The following RBMS3 variants were observed in gnomAD, a reference collection of about 807,000 sequenced individuals.
RBMS3 encodes the protein RNA binding motif single stranded interacting protein 3, also known as RNA-binding motif, single-stranded-interacting protein 3.
A neutral mutation model predicts 66.8 loss-of-function variants in RBMS3; 27 were observed. The observed-to-expected ratio is 0.40, with a 90% CI of 0.30 to 0.56. The LOEUF (loss-of-function observed/expected upper bound fraction) is 0.56. RBMS3 is among the 20% of genes least tolerant of loss of function. RBMS3 has a pLI of 0.40. For missense variants in RBMS3, 513 were observed against 549.5 expected (o/e 0.93, Z 0.66); for synonymous variants, 188 against 183.0 (o/e 1.03, Z -0.22).
At chr3:29,412,802 G>A (rs1279138350) in intron 1 of RBMS3, among the ~76,000 whole-genome samples, 1 of 152,202 alleles carries the variant, frequency 6.6e-6, no homozygotes, top group East Asian at 1.9e-4. Context: ...AGAACCTTAA[G>A]CAGGGAGGAG....
chr3:29,778,846 G>T (rs1467234451), intron 6 of RBMS3, among the ~76,000 whole-genome samples: 3 of 151,846 alleles, frequency 2.0e-5, no homozygotes, highest in Non-Finnish European at 4.4e-5. Flanking sequence ...TGTTACTTAG[G>T]TGTTAACATT....
At chr3:29,474,585 GT>G (rs902186936) in intron 2 of RBMS3, among the ~76,000 whole-genome samples, 1 of 152,164 alleles carries the variant, frequency 6.6e-6, no homozygotes, top group Non-Finnish European at 1.5e-5. Context: ...TTTGTGCTGT[GT>G]TTTGTGTGAT....
chr3:29,645,227 G>T (rs764062790), intron 4 of RBMS3, among the ~76,000 whole-genome samples: 2 of 152,184 alleles, frequency 1.3e-5, no homozygotes, highest in Non-Finnish European at 2.9e-5. Context: ...TACAAATGTG[G>T]CACTTTTCTC....
At chr3:29,397,837 C>G (rs926562294) in intron 1 of RBMS3, among the ~76,000 whole-genome samples, 1 of 152,168 alleles carries the variant, frequency 6.6e-6, no homozygotes, top group African/African-American at 2.4e-5. Flanking sequence ...ATGCATGTCA[C>G]TGTGCCTGGC....
intron 5 of RBMS3, among the ~76,000 whole-genome samples, chr3:29,762,116 T>C (rs1027494735): frequency 6.6e-6 from 1 of 152,172 alleles, no homozygotes; most frequent in African/African-American, 2.4e-5. Flanking sequence ...ATGCTTTAGG[T>C]TGTATGTGAG....
intron 3 of RBMS3, among the ~76,000 whole-genome samples, chr3:29,554,350 A>G (rs1039132491): frequency 2.2e-4 from 34 of 152,234 alleles, no homozygotes; most frequent in African/African-American, 7.0e-4. Flanking sequence ...AAATCATACT[A>G]TAAGTTATAC....
intron 10 of RBMS3, among the ~76,000 whole-genome samples, chr3:29,922,213 C>T (rs1232905312): frequency 6.6e-6 from 1 of 152,164 alleles, no homozygotes; most frequent in East Asian, 1.9e-4. Context: ...AGAGGCCGGG[C>T]ACGGTGGCTC....
intron 11 of RBMS3, among the ~76,000 whole-genome samples, chr3:29,939,659 C>G (rs556443710): frequency 4.7e-4 from 72 of 151,980 alleles, no homozygotes; most frequent in African/African-American, 1.7e-3. Context: ...CTCCTCAGAC[C>G]TCTCTGGCCA....
chr3:29,853,272 A>G (rs1214447064), intron 6 of RBMS3, among the ~76,000 whole-genome samples: 1 of 152,172 alleles, frequency 6.6e-6, no homozygotes, highest in Non-Finnish European at 1.5e-5. Flanking sequence ...AAGTTTACCT[A>G]TGTAACAAAG....
intron 4 of RBMS3, among the ~76,000 whole-genome samples, chr3:29,718,792 G>C (rs1364345035): frequency 1.3e-5 from 2 of 152,174 alleles, no homozygotes; most frequent in Non-Finnish European, 2.9e-5. Flanking sequence ...CGCATACCAG[G>C]AGCCTCTGCA....
intron 4 of RBMS3, among the ~76,000 whole-genome samples, chr3:29,675,888 C>G (rs907888362): frequency 6.6e-6 from 1 of 152,152 alleles, no homozygotes; most frequent in Non-Finnish European, 1.5e-5. Flanking sequence ...GGATCTAGAA[C>G]TAGAAATACC....
intron 3 of RBMS3, among the ~76,000 whole-genome samples, chr3:29,563,985 C>T (rs911826452): frequency 4.7e-5 from 6 of 128,928 alleles, no homozygotes; most frequent in Non-Finnish European, 9.4e-5. Context: ...CCACTGCTCT[C>T]AACAGTGTGA....
chr3:29,653,571 G>A (rs2050216138), intron 4 of RBMS3, among the ~76,000 whole-genome samples: 1 of 152,058 alleles, frequency 6.6e-6, no homozygotes, highest in Non-Finnish European at 1.5e-5. Context: ...GTGAGGATGT[G>A]TATTTATGGG....
chr3:29,722,695 A>T, intron 4 of RBMS3, among the ~76,000 whole-genome samples: 1 of 152,040 alleles, frequency 6.6e-6, no homozygotes, highest in East Asian at 1.9e-4. Context: ...GCCAATTATT[A>T]TGTAGAGCAT....
intron 6 of RBMS3, among the ~76,000 whole-genome samples, chr3:29,771,561 T>C (rs1213988248): frequency 6.6e-6 from 1 of 151,982 alleles, no homozygotes; most frequent in African/African-American, 2.4e-5. Context: ...ACAGCAAAAA[T>C]TAAGGTTGCA....
chr3:29,681,411 T>C (rs1490067059), intron 4 of RBMS3, among the ~76,000 whole-genome samples: 1 of 152,194 alleles, frequency 6.6e-6, no homozygotes, highest in Admixed American at 6.5e-5. Flanking sequence ...TAGGTAAATG[T>C]GTGCTCTGGT....
chr3:29,757,237 G>T (rs1201555269), intron 5 of RBMS3, among the ~76,000 whole-genome samples: 1 of 152,140 alleles, frequency 6.6e-6, no homozygotes. Context: ...AATTCCAAGG[G>T]TTTTAGAAGC....
intron 14 of RBMS3, among the ~76,000 whole-genome samples, chr3:29,994,359 A>G (rs1362562740): frequency 2.6e-5 from 4 of 152,060 alleles, no homozygotes; most frequent in Admixed American, 6.6e-5. Flanking sequence ...GGGGAGGGGC[A>G]CCCGCCATTG....
chr3:29,839,809 A>C (rs1211321965), intron 6 of RBMS3, among the ~76,000 whole-genome samples: 1 of 151,876 alleles, frequency 6.6e-6, no homozygotes, highest in East Asian at 1.9e-4. Flanking sequence ...AATAGTTATT[A>C]CTTAGAAAAA....
Sources: gnomAD v4.1 joint callset for allele counts (sites outside exome capture counted in the v4.1 genomes callset) on GRCh38, gnomAD v4.1.1 for gene constraint, MANE v1.5 for transcripts, NCBI Gene and HGNC (gene_info 2026-07-23, HGNC 2026-07-21) for gene names.